Variants in POU2F1 observed in about 807,000 individuals in gnomAD.
POU2F1 encodes POU domain, class 2, transcription factor 1.
Under a neutral mutation model 84.9 loss-of-function variants are expected in POU2F1, and 16 were observed. The ratio of observed to expected loss-of-function variants is 0.19; its 90% CI spans 0.13 to 0.29. The LOEUF is 0.29. POU2F1 is among the 10% of genes least tolerant of loss of function. The probability of loss-of-function intolerance (pLI) is 1.00; values close to 1 mark genes in which losing one functional copy is unlikely to be tolerated. For missense variants in POU2F1, 738 were observed against 942.6 expected (o/e 0.78, Z 2.84); for synonymous variants, 368 against 368.3 (o/e 1.00, Z 0.01).
intron 13 of POU2F1, among the ~76,000 whole-genome samples, chr1:167,403,334 A>G (rs1649338510): frequency 6.6e-6 from 1 of 152,248 alleles, no homozygotes; most frequent in South Asian, 2.1e-4. Context: ...TACTCTAAGC[A>G]GAGGACTCAG....
chr1:167,423,868 A>G lies in POU2F1; in HGVS notation c.*8058A>G, dbSNP rs1420434160. The stretch of plus-strand genomic sequence containing the variant: ...TCAAACATTATATCCCAAAGTCTGC[A>G]GGCAGACAGCTGGATACAGCGCTGT... On this transcript the variant is annotated 3_prime_UTR_variant, in exon 16 of 16. Transcript: ENST00000367866. The G allele has an allele frequency of 6.6e-6, 1 of 152,268 alleles. No individual in the cohort carries two copies. Among genetic ancestry groups the G allele is most frequent in the Admixed American group, 6.5e-5 (1 of 15,292 alleles). 9.4% of individuals were successfully genotyped at this position (152,268 alleles called of 1,614,324 possible). A position where few individuals can be genotyped will look rare whatever the true frequency, so the allele number is the denominator to read the frequency against.
chr1:167,307,161 A>G (rs35699107), intron 1 of POU2F1, among the ~76,000 whole-genome samples: 1,837 of 152,318 alleles, frequency 0.012, 13 homozygotes, highest in South Asian at 0.026. Flanking sequence ...AATGGTTTCA[A>G]ACTTTTTCTT....
intron 1 of POU2F1, among the ~76,000 whole-genome samples, chr1:167,236,575 A>G (rs1649472454): frequency 6.6e-6 from 1 of 152,032 alleles, no homozygotes; most frequent in Non-Finnish European, 1.5e-5. Flanking sequence ...TTCTCTTTCG[A>G]CGTGTGCCTG....
intron 2 of POU2F1, among the ~76,000 whole-genome samples, chr1:167,352,189 A>T (rs1346086478): frequency 3.3e-5 from 5 of 152,236 alleles, no homozygotes; most frequent in African/African-American, 1.2e-4. Context: ...AGAATAATGT[A>T]TTCACTATTA....
At chr1:167,361,097 A>G (rs1659325476) in intron 2 of POU2F1, among the ~76,000 whole-genome samples, 1 of 151,996 alleles carries the variant, frequency 6.6e-6, no homozygotes, top group Non-Finnish European at 1.5e-5. Context: ...GAAGTGGTTT[A>G]TCAGGTCTAG....
At chr1:167,267,630 C>CTTTTTTTTTTTTTTTTTTT (rs71073658) in intron 1 of POU2F1, among the ~76,000 whole-genome samples, 2 of 70,464 alleles carry the variant, frequency 2.8e-5, no homozygotes, top group Non-Finnish European at 5.0e-5. Context: ...GTTACTGTGT[C>CTTTTTTTTTTTTTTTTTTT]TTTTTTTTTT....
intron 1 of POU2F1, among the ~76,000 whole-genome samples, chr1:167,307,111 TTAAC>T (rs766975168): frequency 4.6e-5 from 7 of 152,342 alleles, no homozygotes; most frequent in South Asian, 2.1e-4. Flanking sequence ...TTATTTTAAA[TTAAC>T]TAAGTTTCTA....
chr1:167,349,419 C>T (rs1433550937), intron 2 of POU2F1, among the ~76,000 whole-genome samples: 2 of 152,064 alleles, frequency 1.3e-5, no homozygotes, highest in Admixed American at 1.3e-4. Flanking sequence ...TTTATTTTTC[C>T]ATAGCATTTA....
chr1:167,222,253 T>C (rs1648282470), intron 1 of POU2F1, among the ~76,000 whole-genome samples: 1 of 152,208 alleles, frequency 6.6e-6, no homozygotes, highest in Non-Finnish European at 1.5e-5. Context: ...TCCCTTCTTC[T>C]GTGGCGGTGT....
intron 10 of POU2F1, among the ~76,000 whole-genome samples, chr1:167,397,686 C>T (rs1648906171): frequency 6.6e-6 from 1 of 152,146 alleles, no homozygotes; most frequent in South Asian, 2.1e-4. Flanking sequence ...ACTGGGACCA[C>T]AGGCGCACGC....
At chr1:167,317,923 G>A (rs986378697) in intron 1 of POU2F1, among the ~76,000 whole-genome samples, 6 of 152,144 alleles carry the variant, frequency 3.9e-5, no homozygotes, top group Non-Finnish European at 5.9e-5. Context: ...CGCAGGAGTC[G>A]GGATCTGCAT....
intron 9 of POU2F1, among the ~76,000 whole-genome samples, chr1:167,392,273 A>G (rs1423042318): frequency 6.6e-6 from 1 of 151,834 alleles, no homozygotes; most frequent in Non-Finnish European, 1.5e-5. Context: ...AGTGGCTTCA[A>G]CCTGGGAGGT....
At chr1:167,357,365 CCCA>C (rs1659019512) in intron 2 of POU2F1, 1 of 7,134 alleles carries the variant, frequency 1.4e-4, no homozygotes, top group Non-Finnish European at 4.4e-4. Flanking sequence ...CGCCTCCCCC[CCCA>C]CCCCCCCCCC....
chr1:167,233,523 A>C (rs1328800369), intron 1 of POU2F1, among the ~76,000 whole-genome samples: 6 of 152,220 alleles, frequency 3.9e-5, no homozygotes, highest in African/African-American at 1.2e-4. Context: ...ACAGGTTTGT[A>C]GTCTAGGAGC....
intron 10 of POU2F1, among the ~76,000 whole-genome samples, chr1:167,397,653 C>G (rs1007816003): frequency 6.6e-6 from 1 of 152,188 alleles, no homozygotes; most frequent in Non-Finnish European, 1.5e-5. Flanking sequence ...TCAAGTGATT[C>G]TCCTGCCTCA....
chr1:167,306,867 C>T (rs1002091297), intron 1 of POU2F1, among the ~76,000 whole-genome samples: 10 of 152,064 alleles, frequency 6.6e-5, no homozygotes, highest in African/African-American at 2.4e-4. Flanking sequence ...TCACTAAGGT[C>T]GTATTTACAG....
At chr1:167,223,236 G>A (rs1189982295) in intron 1 of POU2F1, among the ~76,000 whole-genome samples, 5 of 152,142 alleles carry the variant, frequency 3.3e-5, no homozygotes, top group Admixed American at 2.6e-4. Context: ...CGTTTACCCT[G>A]ATCTTGGAAC....
At chr1:167,325,650 G>C (rs1229389044) in intron 1 of POU2F1, among the ~76,000 whole-genome samples, 1 of 152,096 alleles carries the variant, frequency 6.6e-6, no homozygotes, top group East Asian at 1.9e-4. Context: ...CCAGCACTTT[G>C]GGAGGCCAAG....
chr1:167,290,978 C>G (rs190837879), intron 1 of POU2F1, among the ~76,000 whole-genome samples: 41 of 148,650 alleles, frequency 2.8e-4, no homozygotes, highest in Non-Finnish European at 5.0e-4. Flanking sequence ...CCCAGGAGTG[C>G]AAGGCTGCAG....
Sources: gnomAD v4.1 joint callset for allele counts (sites outside exome capture counted in the v4.1 genomes callset) on GRCh38, gnomAD v4.1.1 for gene constraint, MANE v1.5 for transcripts, NCBI Gene and HGNC (gene_info 2026-07-23, HGNC 2026-07-21) for gene names.